FAAH2: variants seen among roughly 807,000 people sequenced by gnomAD.
FAAH2 encodes the protein fatty acid amide hydrolase 2.
FAAH2 carries 60 observed loss-of-function variants against 36.9 expected under a neutral mutation model. The ratio of observed to expected loss-of-function variants is 1.63; its 90% CI spans 1.32 to 2.02. The LOEUF is 2.02. Among genes scored for constraint, FAAH2 ranks in the 30% most tolerant of loss-of-function variants. The pLI is 0.00. For synonymous variants in FAAH2, 214 were observed against 143.8 expected (o/e 1.49, Z -3.49); for missense variants, 689 against 397.5 (o/e 1.73, Z -6.23).
rs745387807 is a variant in FAAH2, at chrX:57,488,984, T to C, written c.*52T>C. 4.5e-6 allele frequency: 5 copies of C among 1,109,014 alleles called. No homozygotes were observed. Among genetic ancestry groups the C allele is most frequent in the African/African-American group, 3.7e-5 (2 of 53,772 alleles). 91.4% of individuals were successfully genotyped at this position (1,109,014 alleles called of 1,213,427 possible). On this transcript the variant is annotated 3_prime_UTR_variant, in exon 11 of 11. Transcript: ENST00000374900. Reference sequence around the variant, plus strand: ...GTGTGTGTTTGTGTTCGTGTGGTGGTGTTTCTATTAATTGGGTGAAATCAA... The same window carrying C: ...GTGTGTGTTTGTGTTCGTGTGGTGGCGTTTCTATTAATTGGGTGAAATCAA...
At chrX:57,191,374 A>G in the FAAH2 span, among the ~76,000 whole-genome samples, 1 of 111,673 alleles carries the variant, frequency 9.0e-6, no homozygotes, top group South Asian at 3.7e-4. Flanking sequence ...AGCTCCTTAT[A>G]TATTGTGATT....
At chrX:57,293,824 C>A (rs1156530311) in intron 2 of FAAH2, among the ~76,000 whole-genome samples, 2 of 110,753 alleles carry the variant, frequency 1.8e-5, no homozygotes, top group South Asian at 7.7e-4. Context: ...TACTAGGAGA[C>A]TGGAGAGGGT....
At chrX:57,375,062 T>C (rs996369196) in intron 5 of FAAH2, among the ~76,000 whole-genome samples, 1 of 111,189 alleles carries the variant, frequency 9.0e-6, no homozygotes, top group African/African-American at 3.3e-5. Flanking sequence ...TGCATCCTGG[T>C]ATGAAACTCA....
chrX:57,218,838 T>C, the FAAH2 span, among the ~76,000 whole-genome samples: 1 of 111,947 alleles, frequency 8.9e-6, no homozygotes, highest in African/African-American at 3.3e-5. Flanking sequence ...CTGGACTTTT[T>C]TTATGTTGGT....
At chrX:57,123,440 T>G in the FAAH2 span, among the ~76,000 whole-genome samples, 1 of 112,233 alleles carries the variant, frequency 8.9e-6, no homozygotes, top group Non-Finnish European at 1.9e-5. Context: ...CTTTGCTATT[T>G]TGAATAGTGC....
the FAAH2 span, among the ~76,000 whole-genome samples, chrX:57,241,018 T>A: frequency 3.6e-5 from 4 of 111,907 alleles, no homozygotes; most frequent in African/African-American, 9.7e-5. Flanking sequence ...ATGATGGTGC[T>A]CCACTGCAGC....
Position 57,463,549 on chromosome X carries a change from G to A in FAAH2, c.1423+14831G>A, listed in dbSNP as rs866080234. On this transcript the variant is annotated intron_variant, in intron 10 of 10. Coordinates refer to ENST00000374900, the MANE Select transcript of FAAH2 (RefSeq NM_174912.4). ...TCATCGACAAACCTGACAAAAACAA[G>A]CAATGAGGAAATAATTACCTATTTA... Among the ~76,000 whole-genome samples, 3 of 110,975 alleles carry A rather than the reference G, an allele frequency of 2.7e-5. No individual in the cohort carries two copies. The South Asian group carries it at 1.1e-3, about 42-fold the overall frequency.
chrX:57,354,651 A>G (rs2054116307), intron 5 of FAAH2, among the ~76,000 whole-genome samples: 1 of 110,714 alleles, frequency 9.0e-6, no homozygotes, highest in African/African-American at 3.3e-5. Flanking sequence ...ATCTAAGTAA[A>G]CCTTTGTTAA....
At chrX:57,165,813 T>C in the FAAH2 span, among the ~76,000 whole-genome samples, 1 of 110,347 alleles carries the variant, frequency 9.1e-6, no homozygotes, top group Non-Finnish European at 1.9e-5. Context: ...AAATGTGGGG[T>C]CCCTGGCAAG....
the FAAH2 span, among the ~76,000 whole-genome samples, chrX:57,127,545 T>C: frequency 1.8e-5 from 2 of 111,795 alleles, no homozygotes; most frequent in Non-Finnish European, 3.8e-5. Context: ...ATCCTGATAT[T>C]CAATCTTATG....
Position 57,287,004 on chromosome X carries a change from TC to T in FAAH2, c.181del (p.Arg61AspfsTer5), listed in dbSNP as rs1304159003. On this transcript the variant is annotated frameshift_variant, in exon 1 of 11. Coordinates refer to ENST00000374900, the MANE Select transcript of FAAH2 (RefSeq NM_174912.4). LOFTEE classifies it high-confidence loss of function. Reference sequence around the variant, plus strand: ...TCGGGGATGCAGCTGGCCAAGCTGATCCGACAGAGAAAGGTGAGAATGCAAT... The same window carrying T: ...TCGGGGATGCAGCTGGCCAAGCTGATCGACAGAGAAAGGTGAGAATGCAAT... ...LLSGMQLAKLIRQRKVKCIDV... is the reference protein window; with the variant it reads ...LLSGMQLAKLXRQRKVKCIDV... 3 of 1,188,228 alleles carry T rather than the reference TC, an allele frequency of 2.5e-6. No individual in the cohort carries two copies. Among genetic ancestry groups the T allele is most frequent in the Admixed American group, 2.3e-5 (1 of 43,980 alleles).
At chrX:57,486,396 C>T (rs756658754) in intron 10 of FAAH2, among the ~76,000 whole-genome samples, 5 of 111,231 alleles carry the variant, frequency 4.5e-5, no homozygotes, top group Non-Finnish European at 9.4e-5. Flanking sequence ...GGAAAAGGCT[C>T]AAGGAGAGAA....
At chrX:57,329,934 C>T (rs1009319034) in intron 3 of FAAH2, among the ~76,000 whole-genome samples, 2 of 112,041 alleles carry the variant, frequency 1.8e-5, no homozygotes, top group African/African-American at 3.2e-5. Flanking sequence ...CCAATCAATA[C>T]CCTTATGATT....
At chrX:57,211,477 A>G in the FAAH2 span, among the ~76,000 whole-genome samples, 1 of 111,785 alleles carries the variant, frequency 8.9e-6, no homozygotes, top group Admixed American at 9.5e-5. Context: ...GCATGGAACC[A>G]GGACCCCTGG....
chrX:57,278,215 C>A, the FAAH2 span, among the ~76,000 whole-genome samples: 3 of 111,497 alleles, frequency 2.7e-5, no homozygotes, highest in East Asian at 8.4e-4. Flanking sequence ...GTACTGGTAA[C>A]AAAGAAGATA....
the FAAH2 span, among the ~76,000 whole-genome samples, chrX:57,157,575 C>T: frequency 9.0e-6 from 1 of 111,581 alleles, no homozygotes; most frequent in African/African-American, 3.3e-5. Flanking sequence ...CTTCTGGCTG[C>T]CCTGTTTTAG....
At chrX:57,418,501 G>T (rs1356233449) in intron 7 of FAAH2, among the ~76,000 whole-genome samples, 1 of 110,712 alleles carries the variant, frequency 9.0e-6, no homozygotes, top group Non-Finnish European at 1.9e-5. Flanking sequence ...CTGACCCCTT[G>T]TGCATCCCAG....
chrX:57,355,677 C>T (rs1017770735), intron 5 of FAAH2, among the ~76,000 whole-genome samples: 2 of 110,788 alleles, frequency 1.8e-5, no homozygotes, highest in Non-Finnish European at 3.8e-5. Flanking sequence ...TAACCATTAG[C>T]AGTTTCTCTT....
At chrX:57,483,778 CTTTTTTTTTTTTTTTTTTTT>C (rs755609992) in intron 10 of FAAH2, among the ~76,000 whole-genome samples, 2 of 38,872 alleles carry the variant, frequency 5.1e-5, no homozygotes, top group South Asian at 2.0e-3. Context: ...CTGGGGGCAA[CTTTTTTTTTTTTTTTTTTTT>C]TTTTTTTTTT....
Sources: allele counts gnomAD v4.1 joint callset (sites outside exome capture counted in the v4.1 genomes callset), GRCh38; gene constraint gnomAD v4.1.1; transcripts MANE v1.5; gene names NCBI Gene and HGNC (gene_info 2026-07-23, HGNC 2026-07-21).